The following WWOX variants were observed in gnomAD, a reference collection of about 807,000 sequenced individuals.
WWOX encodes WW domain containing oxidoreductase, also known as WW domain-containing oxidoreductase.
Under a neutral mutation model 46.2 loss-of-function variants are expected in WWOX, and 69 were observed. That is an observed-to-expected ratio of 1.49 (90% CI 1.23 to 1.82). The LOEUF (loss-of-function observed/expected upper bound fraction) is 1.82, where lower values mean the gene tolerates loss of function less well. WWOX is among the 40% of genes most tolerant of loss of function. The pLI, the probability that WWOX is intolerant of heterozygous loss-of-function variation, is 0.00. For missense variants in WWOX, 919 were observed against 542.6 expected (o/e 1.69, Z -6.89); for synonymous variants, 359 against 202.6 (o/e 1.77, Z -6.56).
intron 1 of WWOX, among the ~76,000 whole-genome samples, chr16:78,107,434 A>C (rs1490488055): frequency 6.6e-6 from 1 of 152,196 alleles, no homozygotes; most frequent in Non-Finnish European, 1.5e-5. Flanking sequence ...TTTGTATGCC[A>C]AGTGCTATGC....
intron 8 of WWOX, among the ~76,000 whole-genome samples, chr16:78,540,394 T>C (rs572006831): frequency 1.7e-4 from 26 of 152,304 alleles, no homozygotes; most frequent in Admixed American, 3.3e-4. Flanking sequence ...CCCTTGCATG[T>C]TGCGTGTGGT....
chr16:78,642,613 G>A (rs150304997), intron 8 of WWOX, among the ~76,000 whole-genome samples: 99 of 152,108 alleles, frequency 6.5e-4, no homozygotes, highest in African/African-American at 2.1e-3. Flanking sequence ...TGTTTTTGTC[G>A]TGGGCTACTG....
chr16:78,803,491 T>G lies in WWOX; in HGVS notation c.1056+370739T>G, dbSNP rs551048371. Among the ~76,000 whole-genome samples the G allele has an allele frequency of 9.8e-4, 149 of 152,284 alleles. 2 individuals carry two copies. The highest frequency in any genetic ancestry group is 3.3e-3 in the African/African-American group (138 of 41,560). ...AGACAGGGTCTCGCTGTGTTGCCCA[T>G]GCTGGAGTGCAGTGGTGCGATCACA... On this transcript the variant is annotated intron_variant, in intron 8 of 8. Transcript: ENST00000566780.
rs1021400126 is a variant in WWOX at position 78,099,711 on chromosome 16, G to C, written c.-68G>C. On this transcript the variant is annotated 5_prime_UTR_variant, in exon 1 of 9. Coordinates refer to ENST00000566780, the MANE Select transcript of WWOX (RefSeq NM_016373.4). The stretch of plus-strand genomic sequence containing the variant: ...CGCGCGCGGGTCTCGTTTGGAGCGG[G>C]AGTGAGTTCCTGAGCGAGTGGACCC... 6.1e-6 allele frequency: 9 copies of C among 1,486,916 alleles called. No homozygotes were observed. The highest frequency in any genetic ancestry group is 2.4e-5 in the Admixed American group (1 of 42,288). 92.1% of individuals were successfully genotyped at this position (1,486,916 alleles called of 1,614,324 possible).
chr16:79,046,028 C>G (rs2048059899), intron 8 of WWOX, among the ~76,000 whole-genome samples: 1 of 152,030 alleles, frequency 6.6e-6, no homozygotes, highest in South Asian at 2.1e-4. Context: ...CCTCGAGCTC[C>G]TGACCTCAGA....
chr16:78,334,467 T>G (rs1035726934), intron 5 of WWOX, among the ~76,000 whole-genome samples: 1 of 152,180 alleles, frequency 6.6e-6, no homozygotes, highest in African/African-American at 2.4e-5. Flanking sequence ...GCAAGCACTT[T>G]CGGTGAGGTG....
At chr16:79,006,615 A>G (rs921104450) in intron 8 of WWOX, among the ~76,000 whole-genome samples, 6 of 152,046 alleles carry the variant, frequency 3.9e-5, no homozygotes, top group African/African-American at 1.4e-4. Context: ...TTAAAAACCT[A>G]AATGTATTAT....
chr16:78,720,641 C>T (rs2048666951), intron 8 of WWOX, among the ~76,000 whole-genome samples: 1 of 152,010 alleles, frequency 6.6e-6, no homozygotes, highest in Admixed American at 6.6e-5. Context: ...ATTCTTGACC[C>T]TTGAATTGAA....
At chr16:78,949,660 C>G (rs1449094302) in intron 8 of WWOX, among the ~76,000 whole-genome samples, 1 of 152,238 alleles carries the variant, frequency 6.6e-6, no homozygotes, top group Non-Finnish European at 1.5e-5. Flanking sequence ...TTAACTCCAT[C>G]TGGACAAAGC....
At chr16:78,459,170 A>C (rs1220853627) in intron 8 of WWOX, among the ~76,000 whole-genome samples, 4 of 152,198 alleles carry the variant, frequency 2.6e-5, no homozygotes, top group Admixed American at 2.6e-4. Context: ...CCATAACCTT[A>C]GAGATTATCT....
intron 8 of WWOX, among the ~76,000 whole-genome samples, chr16:78,805,758 A>C (rs968284918): frequency 6.6e-6 from 1 of 152,202 alleles, no homozygotes; most frequent in Non-Finnish European, 1.5e-5. Context: ...TTATACGGCT[A>C]TATCTCCATA....
chr16:78,359,215 G>C (rs1427586503), intron 5 of WWOX, among the ~76,000 whole-genome samples: 1 of 152,054 alleles, frequency 6.6e-6, no homozygotes, highest in African/African-American at 2.4e-5. Context: ...TAGGTGAGCT[G>C]GTATCTCCTC....
At chr16:78,978,248 G>T (rs977764160) in intron 8 of WWOX, among the ~76,000 whole-genome samples, 1 of 152,118 alleles carries the variant, frequency 6.6e-6, no homozygotes, top group Non-Finnish European at 1.5e-5. Context: ...TCCATCCATG[G>T]GCATTTGGGT....
At chr16:78,627,032 TC>T (rs1316798576) in intron 8 of WWOX, among the ~76,000 whole-genome samples, 2 of 152,136 alleles carry the variant, frequency 1.3e-5, no homozygotes, top group Admixed American at 1.3e-4. Flanking sequence ...TGCCTCCTCT[TC>T]CCTCTTCCCC....
chr16:78,554,552 C>T lies in WWOX; in HGVS notation c.1056+121800C>T, dbSNP rs142436426. ...ATAGGTAAAGACCTTGATATATGTA[C>T]ATATATTGTATGATACATATCCATG... On this transcript the variant is annotated intron_variant, in intron 8 of 8. Transcript: ENST00000566780. Among the ~76,000 whole-genome samples, 88 of 152,158 alleles carry T rather than the reference C, an allele frequency of 5.8e-4. 1 individual carries two copies. In the South Asian group the frequency reaches 7.7e-3, roughly 13 times the overall value.
At chr16:78,924,155 A>G (rs192630744) in intron 8 of WWOX, among the ~76,000 whole-genome samples, 42 of 152,180 alleles carry the variant, frequency 2.8e-4, no homozygotes. Context: ...CTCTGGTTAG[A>G]GAAGCAGAAA....
chr16:78,712,253 C>T lies in WWOX; in HGVS notation c.1056+279501C>T, dbSNP rs146647133. On this transcript the variant is annotated intron_variant, in intron 8 of 8. Coordinates refer to ENST00000566780, the MANE Select transcript of WWOX (RefSeq NM_016373.4). ...GCGCGGTGGCTCACACCTGTAATCC[C>T]AGCACTTTGGGAGGCCGAGGTGGGC... Among the ~76,000 whole-genome samples, 1,418 of 152,162 alleles carry T rather than the reference C, an allele frequency of 9.3e-3. 28 individuals carry two copies. The highest frequency in any genetic ancestry group is 0.032 in the African/African-American group (1,343 of 41,502).
chr16:78,470,039 C>G (rs574973419), intron 8 of WWOX, among the ~76,000 whole-genome samples: 13 of 152,334 alleles, frequency 8.5e-5, no homozygotes, highest in Non-Finnish European at 1.2e-4. Context: ...AAGTTTATTT[C>G]TTGTTTATGT....
Position 78,387,024 on chromosome 16 carries a change from G to A in WWOX, c.605+76G>A, listed in dbSNP as rs2082075116. ...ATCTTTATCAGATGAACACAATTGG[G>A]AGAATGCAAGGCTGTTGTGTTGTCT... On this transcript the variant is annotated intron_variant, in intron 6 of 8. Coordinates refer to ENST00000566780, the MANE Select transcript of WWOX (RefSeq NM_016373.4). The A allele has an allele frequency of 7.7e-6, 11 of 1,422,858 alleles. No homozygotes were observed. In the Admixed American group the frequency reaches 1.2e-4, roughly 15 times the overall value. The allele number at this position is 1,422,858 out of a possible 1,614,324, so 88.1% of individuals were successfully genotyped here.
Sources: gnomAD v4.1 joint callset for allele counts (sites outside exome capture counted in the v4.1 genomes callset) on GRCh38, gnomAD v4.1.1 for gene constraint, MANE v1.5 for transcripts, NCBI Gene and HGNC (gene_info 2026-07-23, HGNC 2026-07-21) for gene names.